Variants in WWOX observed in about 807,000 individuals in gnomAD.
The protein encoded by WWOX is WW domain-containing oxidoreductase.
In WWOX, 69 loss-of-function variants were observed where a neutral mutation model predicts 46.2. The ratio of observed to expected loss-of-function variants is 1.49; its 90% CI spans 1.23 to 1.82. WWOX has a LOEUF of 1.82. WWOX is among the 40% of genes most tolerant of loss of function. The pLI, the probability that WWOX is intolerant of heterozygous loss-of-function variation, is 0.00. For missense variants in WWOX, 919 were observed against 542.6 expected (o/e 1.69, Z -6.89); for synonymous variants, 359 against 202.6 (o/e 1.77, Z -6.56).
intron 8 of WWOX, among the ~76,000 whole-genome samples, chr16:78,589,741 C>T (rs138795694): frequency 1.3e-5 from 2 of 152,090 alleles, no homozygotes; most frequent in Non-Finnish European, 2.9e-5. Context: ...GACTGTTTAC[C>T]TTCTTTTGGT....
intron 8 of WWOX, among the ~76,000 whole-genome samples, chr16:78,558,412 G>T (rs1333852025): frequency 6.6e-6 from 1 of 152,192 alleles, no homozygotes; most frequent in African/African-American, 2.4e-5. Context: ...TCAAAATTGG[G>T]ATTTCCTGCT....
chr16:78,858,427 T>G (rs2052620763), intron 8 of WWOX, among the ~76,000 whole-genome samples: 1 of 151,980 alleles, frequency 6.6e-6, no homozygotes, highest in Non-Finnish European at 1.5e-5. Flanking sequence ...TAATTTTGAG[T>G]TGGAAAAAGC....
intron 4 of WWOX, among the ~76,000 whole-genome samples, chr16:78,136,904 C>A (rs995371234): frequency 1.8e-4 from 27 of 152,136 alleles, no homozygotes; most frequent in African/African-American, 6.5e-4. Context: ...TCAGGCCAGA[C>A]CTTCGCAGAG....
At chr16:78,773,695 G>T (rs138077187) in intron 8 of WWOX, among the ~76,000 whole-genome samples, 2 of 152,194 alleles carry the variant, frequency 1.3e-5, no homozygotes, top group Non-Finnish European at 2.9e-5. Flanking sequence ...GGTGTGTCTG[G>T]AGTTGAAGTC....
chr16:79,049,159 A>T (rs540079940), intron 8 of WWOX, among the ~76,000 whole-genome samples: 2 of 152,248 alleles, frequency 1.3e-5, no homozygotes, highest in Non-Finnish European at 2.9e-5. Flanking sequence ...TACAGTCACC[A>T]TCACAACTAT....
intron 8 of WWOX, among the ~76,000 whole-genome samples, chr16:78,827,867 T>C (rs979736449): frequency 1.3e-5 from 2 of 152,062 alleles, no homozygotes; most frequent in South Asian, 2.1e-4. Flanking sequence ...ACAAAACATA[T>C]GGCCAGCAGC....
intron 8 of WWOX, among the ~76,000 whole-genome samples, chr16:78,747,838 T>C (rs1334684268): frequency 1.3e-5 from 2 of 152,190 alleles, no homozygotes; most frequent in Non-Finnish European, 2.9e-5. Flanking sequence ...AGCTGCTCCA[T>C]GATCAAGGAT....
At chr16:79,205,712 T>C (rs2051487490) in intron 8 of WWOX, 1 of 152,216 alleles carries the variant, frequency 6.6e-6, no homozygotes, top group African/African-American at 2.4e-5. Flanking sequence ...CAGGAAGTAT[T>C]TGCATGTGTC....
At chr16:78,501,269 A>G (rs1309017286) in intron 8 of WWOX, among the ~76,000 whole-genome samples, 2 of 150,854 alleles carry the variant, frequency 1.3e-5, no homozygotes, top group African/African-American at 2.4e-5. Context: ...AAAAATAAAT[A>G]AAAGCAGACC....
intron 8 of WWOX, among the ~76,000 whole-genome samples, chr16:78,541,422 C>T (rs568771717): frequency 4.8e-5 from 6 of 125,640 alleles, no homozygotes; most frequent in Admixed American, 2.1e-4. Flanking sequence ...TGCAGTGAGC[C>T]GAGAGCCCGC....
chr16:78,533,688 C>G (rs980463467), intron 8 of WWOX, among the ~76,000 whole-genome samples: 5 of 152,156 alleles, frequency 3.3e-5, no homozygotes, highest in African/African-American at 9.7e-5. Flanking sequence ...CCATTTTCCC[C>G]AGACCTAACC....
At chr16:78,294,590 T>C (rs936706938) in intron 5 of WWOX, among the ~76,000 whole-genome samples, 9 of 152,122 alleles carry the variant, frequency 5.9e-5, no homozygotes, top group African/African-American at 1.9e-4. Flanking sequence ...TATTTGTGTG[T>C]GTATGTATGT....
chr16:78,482,761 CTTG>C (rs1252971920), intron 8 of WWOX, among the ~76,000 whole-genome samples: 2 of 152,120 alleles, frequency 1.3e-5, no homozygotes, highest in Non-Finnish European at 2.9e-5. Flanking sequence ...TTCTCAGGAC[CTTG>C]TTGTACGAGA....
intron 8 of WWOX, among the ~76,000 whole-genome samples, chr16:78,852,268 C>T (rs1267594513): frequency 6.6e-6 from 1 of 152,174 alleles, no homozygotes; most frequent in African/African-American, 2.4e-5. Context: ...CTCTTCTACT[C>T]TGAACAGGAT....
chr16:78,157,382 G>A (rs1049334146), intron 4 of WWOX, among the ~76,000 whole-genome samples: 5 of 152,166 alleles, frequency 3.3e-5, no homozygotes, highest in African/African-American at 1.2e-4. Context: ...TGATCTAGGT[G>A]TCTTTTGCTC....
intron 8 of WWOX, among the ~76,000 whole-genome samples, chr16:78,972,796 G>C (rs140688564): frequency 2.1e-3 from 321 of 152,182 alleles, no homozygotes; most frequent in African/African-American, 7.4e-3. Flanking sequence ...CATAAAAAAT[G>C]GTTTTTAATT....
At chr16:79,008,776 C>T (rs1440332345) in intron 8 of WWOX, among the ~76,000 whole-genome samples, 1 of 152,248 alleles carries the variant, frequency 6.6e-6, no homozygotes, top group Non-Finnish European at 1.5e-5. Flanking sequence ...GAGATCACAG[C>T]ACCTGTCCCA....
chr16:79,204,906 T>G (rs1341618246), intron 8 of WWOX: 1 of 152,248 alleles, frequency 6.6e-6, no homozygotes, highest in African/African-American at 2.4e-5. Flanking sequence ...TCTTGCTGGC[T>G]TTCCAATTCA....
intron 8 of WWOX, among the ~76,000 whole-genome samples, chr16:78,443,737 G>A (rs2083497280): frequency 6.6e-6 from 1 of 152,050 alleles, no homozygotes; most frequent in African/African-American, 2.4e-5. Context: ...TGTGCCCGTT[G>A]GCATTTTGGT....
Sources: gnomAD v4.1 joint callset for allele counts (sites outside exome capture counted in the v4.1 genomes callset) on GRCh38, gnomAD v4.1.1 for gene constraint, MANE v1.5 for transcripts, NCBI Gene and HGNC (gene_info 2026-07-23, HGNC 2026-07-21) for gene names.